Variants in TRRAP observed in about 807,000 individuals in gnomAD.
TRRAP encodes the protein transformation/transcription domain-associated protein.
Under a neutral mutation model 438.8 loss-of-function variants are expected in TRRAP, and 41 were observed. That is an observed-to-expected ratio of 0.09 (90% confidence interval 0.07 to 0.12). TRRAP has a LOEUF of 0.12. Ranked by LOEUF, TRRAP falls within the 10% of genes least tolerant of loss-of-function variation. The probability of loss-of-function intolerance (pLI) is 1.00; values close to 1 mark genes in which losing one functional copy is unlikely to be tolerated. For missense variants in TRRAP, 3,122 were observed against 5,055.1 expected (o/e 0.62, Z 11.60); for synonymous variants, 1,994 against 1,962.9 (o/e 1.02, Z -0.42).
Position 98,911,103 on chromosome 7 carries a change from A to G in TRRAP, c.1839A>G (p.Thr613=), listed in dbSNP as rs782509535. The G allele has an allele frequency of 3.7e-6, 6 of 1,614,150 alleles. No individual in the cohort carries two copies. In the Admixed American group the frequency reaches 6.7e-5, roughly 18 times the overall value. Residue 613 remains threonine (T), a synonymous_variant, in exon 17 of 73, where the codon ACA becomes ACG. Transcript: ENST00000456197. ...TCCAGATAGCAGGAAATGGACAGACATACATCCGTGTGGCCAACTGCCAGA... is the reference window on the plus strand; with the variant it reads ...TCCAGATAGCAGGAAATGGACAGACGTACATCCGTGTGGCCAACTGCCAGA... ...YQVQIAGNGQ[T]YIRVANCQTV...
chr7:98,953,640 T>C (rs1310023351), intron 40 of TRRAP, among the ~76,000 whole-genome samples: 2 of 151,654 alleles, frequency 1.3e-5, no homozygotes, highest in East Asian at 3.9e-4. Flanking sequence ...ATTGCGGGGG[T>C]TGGGGAGAGG....
chr7:98,958,946 A>G (rs992820871), intron 44 of TRRAP, among the ~76,000 whole-genome samples: 4 of 152,178 alleles, frequency 2.6e-5, no homozygotes, highest in East Asian at 3.8e-4. Flanking sequence ...AAATTTTCCT[A>G]AATTTTAAGT....
intron 33 of TRRAP, among the ~76,000 whole-genome samples, chr7:98,947,111 G>A (rs1220271201): frequency 9.8e-5 from 15 of 152,336 alleles, no homozygotes; most frequent in African/African-American, 2.9e-4. Context: ...GGATCGCAGC[G>A]CGCACAGCGC....
intron 51 of TRRAP, among the ~76,000 whole-genome samples, chr7:98,968,652 TCAC>T (rs1792268932): frequency 6.6e-6 from 1 of 152,124 alleles, no homozygotes; most frequent in South Asian, 2.1e-4. Flanking sequence ...TGAAACCAGG[TCAC>T]CACGTACTAT....
chr7:98,911,031 A>G (rs951204714), intron 16 of TRRAP, 46 bp from the exon 17 acceptor site: 1 of 1,549,678 alleles, frequency 6.5e-7, no homozygotes. Context: ...ATATTCAGAG[A>G]GGTTCAGTTT....
chr7:98,900,851 C>G, intron 11 of TRRAP, 131 bp downstream of exon 11: 1 of 698,894 alleles, frequency 1.4e-6, no homozygotes, highest in Non-Finnish European at 2.3e-6. Context: ...AAATACGGTA[C>G]ATTTCCATCA....
At position 99,005,168 on chromosome 7, in the gene TRRAP, A is replaced by G. The variant is rs1229100123; in HGVS notation, c.10573A>G (p.Thr3525Ala). Reference sequence around the variant, plus strand: ...GGTAGAGATTGTGCAGAAGCACAACACCGCAGCCCGGCGGCTGTACATCCG... The same window carrying G: ...GGTAGAGATTGTGCAGAAGCACAACGCCGCAGCCCGGCGGCTGTACATCCG... Reference protein sequence around the residue: ...PRVEIVQKHNTAARRLYIRGH... With the variant: ...PRVEIVQKHNAAARRLYIRGH... The change falls in exon 69 of 73, where the codon ACC (threonine) becomes GCC (alanine). Residue 3525 changes from threonine (T) to alanine (A), a missense_variant. Physicochemically the swap from Thr to Ala is moderately conservative, Grantham distance 58. Transcript: ENST00000456197. The surrounding 1 kb of genome is among the most constrained non-coding windows in gnomAD (Gnocchi z 5.1). 4 of 1,613,848 alleles carry G rather than the reference A, an allele frequency of 2.5e-6. No homozygotes were observed. Among genetic ancestry groups the G allele is most frequent in the African/African-American group, 1.3e-5 (1 of 74,914 alleles).
intron 39 of TRRAP, 96 bp from the exon 40 acceptor site, chr7:98,953,070 TG>T (rs1791415779): frequency 1.6e-6 from 2 of 1,220,708 alleles, no homozygotes; most frequent in African/African-American, 3.2e-5. Context: ...TGTGTGTGTG[TG>T]TGTGTGTGTT....
chr7:98,993,432 C>A, intron 65 of TRRAP, 106 bp from the exon 66 acceptor site: 1 of 1,239,936 alleles, frequency 8.1e-7, no homozygotes, highest in Non-Finnish European at 1.1e-6. Context: ...GGGATTCACA[C>A]GCCGGCAGGA....
chr7:98,889,554 TTAA>T (rs1562926684), intron 3 of TRRAP, among the ~76,000 whole-genome samples: 26 of 55,096 alleles, frequency 4.7e-4, no homozygotes, highest in Non-Finnish European at 1.2e-3. Flanking sequence ...TTTTTTTTTT[TTAA>T]AAAAAATAGA....
At chr7:98,881,037 A>T in intron 1 of TRRAP, 53 bp from the exon 2 acceptor site, 3 of 718,452 alleles carry the variant, frequency 4.2e-6, no homozygotes, top group Non-Finnish European at 6.5e-6. Flanking sequence ...TTTCACAGAG[A>T]TTGTGATCCT....
intron 16 of TRRAP, 21 bp from the exon 17 acceptor site, chr7:98,911,056 G>A: frequency 6.2e-7 from 1 of 1,606,512 alleles, no homozygotes; most frequent in Non-Finnish European, 8.5e-7. Context: ...GCCTGTGGGC[G>A]GCTTTTTTCC....
chr7:98,985,565 A>G (rs1211773414), intron 62 of TRRAP, among the ~76,000 whole-genome samples: 1 of 152,256 alleles, frequency 6.6e-6, no homozygotes, highest in Non-Finnish European at 1.5e-5. Context: ...TGTCTAGCCC[A>G]TCGCAGGAAA....
At chr7:98,925,345 G>A (rs1159639400) in intron 22 of TRRAP, 82 bp downstream of exon 22, 1 of 1,546,242 alleles carries the variant, frequency 6.5e-7, no homozygotes, top group Non-Finnish European at 8.7e-7. Flanking sequence ...CAGGTTTCCT[G>A]GTGCTAGGAG....
intron 47 of TRRAP, among the ~76,000 whole-genome samples, 157 bp downstream of exon 47, chr7:98,962,584 G>A (rs1000862343): frequency 2.0e-5 from 3 of 152,240 alleles, no homozygotes; most frequent in Non-Finnish European, 4.4e-5. Flanking sequence ...CCTCAAGGCC[G>A]CCGTCTCCTG....
At position 99,005,033 on chromosome 7, in the gene TRRAP, G is replaced by A. The variant is rs907634976; in HGVS notation, c.10536-98G>A. The A allele has an allele frequency of 3.1e-5, 40 of 1,272,062 alleles. No individual in the cohort carries two copies. The highest frequency in any genetic ancestry group is 2.6e-4 in the East Asian group (11 of 43,110). The allele number at this position is 1,272,062 out of a possible 1,614,324, so 78.8% of individuals were successfully genotyped here. On this transcript the variant is annotated intron_variant, in intron 68 of 72. Transcript: ENST00000456197. This position sits in a 1 kb window ranked among gnomAD's most constrained non-coding sequence, Gnocchi z 5.1. ...AAACGACCGCTGGCCTACACAGTCCGTTTTCCCGTGACAGTTCGGACATTC... is the reference window on the plus strand; with the variant it reads ...AAACGACCGCTGGCCTACACAGTCCATTTTCCCGTGACAGTTCGGACATTC...
intron 39 of TRRAP, among the ~76,000 whole-genome samples, chr7:98,951,622 G>A (rs115001190): frequency 1.3e-3 from 200 of 152,350 alleles, no homozygotes; most frequent in African/African-American, 4.2e-3. Context: ...CACACTGAGT[G>A]TTTGTTGGAA....
intron 44 of TRRAP, 145 bp from the exon 45 acceptor site, chr7:98,959,198 TG>T: frequency 9.1e-7 from 1 of 1,104,158 alleles, no homozygotes; most frequent in Non-Finnish European, 1.3e-6. Flanking sequence ...TCCAGCTGTG[TG>T]GAGGTCAGGC....
At position 98,907,793 on chromosome 7, in the gene TRRAP, C is replaced by G. The variant is rs549054371; in HGVS notation, c.1116-935C>G. 1.1e-4 allele frequency among the ~76,000 whole-genome samples: 16 copies of G among 151,618 alleles called. No individual in the cohort carries two copies. In the East Asian group the frequency reaches 2.3e-3, roughly 22 times the overall value. On this transcript the variant is annotated intron_variant, in intron 13 of 72. Transcript: ENST00000456197. ...CTGCAGCACGCCGCCCCCTACAGCC[C>G]CCATCCCTGACCTGCTTCAGCCATG...
Sources: gnomAD v4.1 joint callset for allele counts (sites outside exome capture counted in the v4.1 genomes callset) on GRCh38, gnomAD v4.1.1 for gene constraint, Gnocchi (gnomAD v3.1) non-coding constraint, MANE v1.5 for transcripts, NCBI Gene and HGNC (gene_info 2026-07-23, HGNC 2026-07-21) for gene names.